Variants in ZNF143 observed in about 807,000 individuals in gnomAD.
ZNF143 encodes zinc finger protein 143.
A neutral mutation model predicts 74.1 loss-of-function variants in ZNF143; 49 were observed. The ratio of observed to expected loss-of-function variants is 0.66; its 90% CI spans 0.53 to 0.84. The LOEUF (loss-of-function observed/expected upper bound fraction) is 0.84, where lower values mean the gene tolerates loss of function less well. Among genes scored for constraint, ZNF143 ranks in the 40% least tolerant of loss-of-function variants. The probability of loss-of-function intolerance (pLI) is 0.00; values close to 1 mark genes in which losing one functional copy is unlikely to be tolerated. For synonymous variants in ZNF143, 304 were observed against 282.8 expected (o/e 1.07, Z -0.75); for missense variants, 637 against 793.4 (o/e 0.80, Z 2.37).
At chr11:9,478,347 G>C (rs1157762160) in intron 5 of ZNF143, 43 bp from the exon 6 acceptor site, 1 of 1,584,782 alleles carries the variant, frequency 6.3e-7, no homozygotes, top group Admixed American at 1.7e-5. Flanking sequence ...ATATTTGTCA[G>C]ATTTTACCTT....
chr11:9,511,020 A>C (rs1480946135), intron 12 of ZNF143, among the ~76,000 whole-genome samples: 1 of 151,682 alleles, frequency 6.6e-6, no homozygotes, highest in Non-Finnish European at 1.5e-5. Context: ...GTTTAGTATC[A>C]GTGGGTGTGT....
At chr11:9,496,408 G>A (rs750604793) in intron 9 of ZNF143, 30 bp downstream of exon 9, 1 of 1,597,920 alleles carries the variant, frequency 6.3e-7, no homozygotes. Context: ...TTTTTTCTTG[G>A]TTCCAATTAG....
chr11:9,487,905 A>T (rs1380857627), intron 7 of ZNF143, among the ~76,000 whole-genome samples: 1 of 151,970 alleles, frequency 6.6e-6, no homozygotes, highest in African/African-American at 2.4e-5. Context: ...TGAGTTTTGG[A>T]TTCTGTCCAT....
At chr11:9,507,263 T>TATTAGC (rs1565057474) in intron 11 of ZNF143, among the ~76,000 whole-genome samples, 8 of 152,216 alleles carry the variant, frequency 5.3e-5, no homozygotes, top group Non-Finnish European at 1.0e-4. Flanking sequence ...ATACACACTT[T>TATTAGC]CATATGTACA....
chr11:9,478,408 C>T lies in ZNF143; in HGVS notation c.392C>T (p.Ala131Val), dbSNP rs750862297. The change falls in exon 6 of 16, where the codon GCA becomes GTA. Residue 131 changes from alanine (A) to valine (V), a missense_variant. Around this residue, in one of 2 missense-constraint regions of ZNF143, gnomAD observed 293 missense variants for 307.8 expected, o/e 0.95. Coordinates refer to ENST00000396602, the MANE Select transcript of ZNF143 (RefSeq NM_003442.6). ...HTSKDSYDQS[A>V]LQAVQLEDGT... ...CTCTCAGATAGTTATGACCAGAGTG[C>T]ATTACAGGCGGTTCAGCTGGAAGAT... is the stretch of plus-strand genomic sequence containing the variant. The T allele has an allele frequency of 6.2e-7, 1 of 1,613,972 alleles. No homozygotes were observed. Among genetic ancestry groups the T allele is most frequent in the Non-Finnish European group, 8.5e-7 (1 of 1,179,916 alleles).
At position 9,478,653 on chromosome 11, in the gene ZNF143, A is replaced by G. The variant is rs1847117052; in HGVS notation, c.570+67A>G. On this transcript the variant is annotated intron_variant, in intron 6 of 15. Transcript: ENST00000396602. ...TCTTTATTTTTCATGAAAAGAAAAGAAAACAAAAAAGTACACCTCATCAAA... is the reference window on the plus strand; with the variant it reads ...TCTTTATTTTTCATGAAAAGAAAAGGAAACAAAAAAGTACACCTCATCAAA... 5 of 1,546,816 alleles carry G rather than the reference A, an allele frequency of 3.2e-6. No homozygotes were observed. In the Admixed American group the frequency reaches 9.6e-5, roughly 30 times the overall value.
At chr11:9,486,435 A>ATATTATATG (rs1847539664) in intron 7 of ZNF143, among the ~76,000 whole-genome samples, 1 of 46,582 alleles carries the variant, frequency 2.1e-5, no homozygotes, top group African/African-American at 6.9e-5. Flanking sequence ...TATATTATAT[A>ATATTATATG]TATAATATAT....
chr11:9,494,511 A>G (rs779856366), intron 7 of ZNF143, 135 bp from the exon 8 acceptor site: 54 of 766,490 alleles, frequency 7.0e-5, no homozygotes, highest in Non-Finnish European at 1.0e-4. Context: ...GGGTTTTGTC[A>G]TGTTGCCCAG....
At chr11:9,516,421 T>TAGGTA in intron 14 of ZNF143, 59 bp downstream of exon 14, 1 of 1,468,236 alleles carries the variant, frequency 6.8e-7, no homozygotes, top group Non-Finnish European at 9.2e-7. Context: ...AACAGTTACA[T>TAGGTA]AGGTATGCAA....
intron 1 of ZNF143, among the ~76,000 whole-genome samples, chr11:9,466,497 T>C (rs1856224817): frequency 2.0e-5 from 3 of 151,848 alleles, no homozygotes; most frequent in Non-Finnish European, 4.4e-5. Flanking sequence ...GGTTTCACCA[T>C]GTTGGCCAGG....
intron 11 of ZNF143, among the ~76,000 whole-genome samples, chr11:9,505,843 C>T (rs1848343038): frequency 6.9e-6 from 1 of 145,020 alleles, no homozygotes; most frequent in Non-Finnish European, 1.5e-5. Context: ...CATGCCACTG[C>T]ACTCCAGCCT....
At chr11:9,515,424 C>T (rs961845943) in intron 13 of ZNF143, among the ~76,000 whole-genome samples, 7 of 150,456 alleles carry the variant, frequency 4.7e-5, no homozygotes, top group African/African-American at 9.8e-5. Context: ...CCGAGGTGGG[C>T]GGATCACAAG....
chr11:9,476,106 G>T (rs1379142738), intron 5 of ZNF143, among the ~76,000 whole-genome samples: 1 of 152,018 alleles, frequency 6.6e-6, no homozygotes, highest in Non-Finnish European at 1.5e-5. Context: ...GAATGTCTAG[G>T]AATGATGAGT....
At chr11:9,471,573 A>T (rs1400880514) in intron 2 of ZNF143, among the ~76,000 whole-genome samples, 153 bp downstream of exon 2, 1 of 150,104 alleles carries the variant, frequency 6.7e-6, no homozygotes, top group Non-Finnish European at 1.5e-5. Flanking sequence ...TTGAAACGGG[A>T]CGGAGTTTTA....
chr11:9,481,968 A>C (rs921997789), intron 7 of ZNF143, among the ~76,000 whole-genome samples: 2 of 110,914 alleles, frequency 1.8e-5, no homozygotes, highest in Admixed American at 1.3e-4. Flanking sequence ...AAAAAAACCC[A>C]TTACTCTTTT....
intron 7 of ZNF143, among the ~76,000 whole-genome samples, chr11:9,481,918 C>T (rs1847255193): frequency 6.8e-6 from 1 of 147,172 alleles, no homozygotes; most frequent in Non-Finnish European, 1.5e-5. Context: ...GAACTCAAAA[C>T]GTAACTAGGA....
chr11:9,525,415 C>T (rs761216052), intron 15 of ZNF143, 29 bp downstream of exon 15: 6 of 1,613,528 alleles, frequency 3.7e-6, no homozygotes, highest in South Asian at 3.3e-5. Flanking sequence ...TGTCCTCAGT[C>T]GACAGCAGTG....
intron 14 of ZNF143, among the ~76,000 whole-genome samples, chr11:9,521,424 C>T (rs1369401367): frequency 6.6e-6 from 1 of 152,158 alleles, no homozygotes; most frequent in Non-Finnish European, 1.5e-5. Context: ...AGGCTTGCCT[C>T]ATAAAACAAG....
chr11:9,461,150 GGGCCCGCTT>G, intron 1 of ZNF143, 74 bp downstream of exon 1: 3 of 897,940 alleles, frequency 3.3e-6, no homozygotes, highest in Non-Finnish European at 4.0e-6. Flanking sequence ...GCGGCGGCGC[GGGCCCGCTT>G]GGGCCCGGGC....
Sources: gnomAD v4.1 joint callset for allele counts (sites outside exome capture counted in the v4.1 genomes callset) on GRCh38, gnomAD v4.1.1 for gene constraint, gnomAD v4.1.1 regional missense constraint, MANE v1.5 for transcripts, NCBI Gene and HGNC (gene_info 2026-07-23, HGNC 2026-07-21) for gene names.